MGMT: variants seen among roughly 807,000 people sequenced by gnomAD.
MGMT encodes the protein methylated-DNA--protein-cysteine methyltransferase.
A neutral mutation model predicts 15.9 loss-of-function variants in MGMT; 14 were observed. The observed-to-expected ratio is 0.88, with a 90% CI of 0.58 to 1.37. The LOEUF (loss-of-function observed/expected upper bound fraction) is 1.37, where lower values mean the gene tolerates loss of function less well. MGMT is among the 40% of genes most tolerant of loss of function. The probability of loss-of-function intolerance (pLI) is 0.00; values close to 1 mark genes in which losing one functional copy is unlikely to be tolerated. For missense variants in MGMT, 282 were observed against 268.1 expected (o/e 1.05, Z -0.36); for synonymous variants, 130 against 118.2 (o/e 1.10, Z -0.65).
chr10:129,594,114 G>T (rs1342544360), intron 2 of MGMT, among the ~76,000 whole-genome samples: 2 of 152,218 alleles, frequency 1.3e-5, no homozygotes, highest in Non-Finnish European at 2.9e-5. Context: ...GGGCAGCCCT[G>T]TGTTGGTGCC....
At chr10:129,609,540 C>G (rs1468490619) in intron 2 of MGMT, among the ~76,000 whole-genome samples, 1 of 152,224 alleles carries the variant, frequency 6.6e-6, no homozygotes, top group Non-Finnish European at 1.5e-5. Flanking sequence ...GAGGAACTCA[C>G]AGCAGCGCTG....
chr10:129,588,125 G>A lies in MGMT; in HGVS notation c.125+51748G>A, dbSNP rs576116355. On this transcript the variant is annotated intron_variant, in intron 2 of 4. Coordinates refer to ENST00000651593, the MANE Select transcript of MGMT (RefSeq NM_002412.5). ...GATTGTAAGAGGAGAGATCATGGCC[G>A]GGGACTCATGGCTAGACAAAAAACA... 5.3e-5 allele frequency among the ~76,000 whole-genome samples: 8 copies of A among 152,234 alleles called. No homozygotes were observed. In the East Asian group the frequency reaches 7.7e-4, roughly 15 times the overall value.
At chr10:129,655,213 A>G (rs1033067837) in intron 2 of MGMT, among the ~76,000 whole-genome samples, 1 of 152,206 alleles carries the variant, frequency 6.6e-6, no homozygotes, top group African/African-American at 2.4e-5. Flanking sequence ...GCCTGGGCAG[A>G]TGCAGGGCTG....
At chr10:129,578,062 G>C (rs928189692) in intron 2 of MGMT, among the ~76,000 whole-genome samples, 40 of 152,148 alleles carry the variant, frequency 2.6e-4, no homozygotes, top group Non-Finnish European at 4.0e-4. Context: ...TGGAGAAATA[G>C]GAACACTTTA....
intron 2 of MGMT, among the ~76,000 whole-genome samples, chr10:129,605,028 T>C (rs1221616616): frequency 1.3e-5 from 2 of 152,172 alleles, no homozygotes; most frequent in African/African-American, 4.8e-5. Context: ...TTTTAATGTT[T>C]TACCAAATTA....
At chr10:129,632,629 C>A (rs1847222994) in intron 2 of MGMT, among the ~76,000 whole-genome samples, 1 of 152,150 alleles carries the variant, frequency 6.6e-6, no homozygotes, top group African/African-American at 2.4e-5. Context: ...TAGAGCAGAC[C>A]CTGCCTGCTG....
At chr10:129,476,895 A>T (rs1024629788) in intron 1 of MGMT, among the ~76,000 whole-genome samples, 2 of 152,192 alleles carry the variant, frequency 1.3e-5, no homozygotes, top group African/African-American at 4.8e-5. Context: ...GGAGTAGCTT[A>T]GTGAAGACCA....
chr10:129,522,091 A>ATTCCTTGCTCTGG (rs1845817623), intron 1 of MGMT, among the ~76,000 whole-genome samples: 2 of 148,350 alleles, frequency 1.3e-5, no homozygotes, highest in African/African-American at 5.1e-5. Flanking sequence ...GTAATGGAGA[A>ATTCCTTGCTCTGG]GAATTGGGTA....
At chr10:129,487,790 T>C (rs1845423770) in intron 1 of MGMT, among the ~76,000 whole-genome samples, 1 of 151,976 alleles carries the variant, frequency 6.6e-6, no homozygotes, top group African/African-American at 2.4e-5. Flanking sequence ...CTGCTAACCA[T>C]GTAGGTGTAT....
intron 2 of MGMT, among the ~76,000 whole-genome samples, chr10:129,698,331 C>T (rs1848056119): frequency 6.6e-6 from 1 of 152,176 alleles, no homozygotes; most frequent in Admixed American, 6.5e-5. Context: ...GTGTTGATCT[C>T]TGTGTATAGA....
chr10:129,668,145 T>A (rs1564754117), intron 2 of MGMT, among the ~76,000 whole-genome samples: 1 of 152,174 alleles, frequency 6.6e-6, no homozygotes, highest in Non-Finnish European at 1.5e-5. Flanking sequence ...AAGTCTTTTC[T>A]CTCCCATAAG....
intron 1 of MGMT, among the ~76,000 whole-genome samples, chr10:129,492,502 G>C (rs1845479126): frequency 6.6e-6 from 1 of 152,174 alleles, no homozygotes; most frequent in Non-Finnish European, 1.5e-5. Context: ...ACTTGACCCA[G>C]CTCTCTAGGC....
chr10:129,633,964 A>G (rs1847238679), intron 2 of MGMT, among the ~76,000 whole-genome samples: 1 of 152,150 alleles, frequency 6.6e-6, no homozygotes, highest in Non-Finnish European at 1.5e-5. Context: ...TTCTGTTTAG[A>G]TCCATTTCCA....
At chr10:129,496,229 G>A (rs886358222) in intron 1 of MGMT, among the ~76,000 whole-genome samples, 14 of 152,040 alleles carry the variant, frequency 9.2e-5, no homozygotes, top group African/African-American at 2.4e-4. Context: ...TCATCGTCAC[G>A]CTTAAGTCTT....
intron 2 of MGMT, among the ~76,000 whole-genome samples, chr10:129,624,715 T>G (rs1382309637): frequency 1.3e-5 from 2 of 152,144 alleles, no homozygotes; most frequent in African/African-American, 4.8e-5. Context: ...CGGCGAGGAC[T>G]TCGGAAGTCA....
At chr10:129,557,673 G>A (rs1846229671) in intron 2 of MGMT, among the ~76,000 whole-genome samples, 1 of 152,014 alleles carries the variant, frequency 6.6e-6, no homozygotes, top group Admixed American at 6.5e-5. Flanking sequence ...GTTGGTTGTG[G>A]GTTTTTAGCT....
At chr10:129,469,475 C>A (rs1198455363) in intron 1 of MGMT, among the ~76,000 whole-genome samples, 1 of 152,100 alleles carries the variant, frequency 6.6e-6, no homozygotes, top group Non-Finnish European at 1.5e-5. Flanking sequence ...CATTCTGACC[C>A]CCTTCCCCAG....
intron 4 of MGMT, among the ~76,000 whole-genome samples, chr10:129,765,847 T>C (rs1010301983): frequency 6.6e-6 from 1 of 152,110 alleles, no homozygotes; most frequent in African/African-American, 2.4e-5. Context: ...AGCACCTACA[T>C]GGAAACCAGA....
chr10:129,637,712 C>T (rs968115825), intron 2 of MGMT, among the ~76,000 whole-genome samples: 2 of 152,132 alleles, frequency 1.3e-5, no homozygotes, highest in African/African-American at 4.8e-5. Flanking sequence ...CTAATTCAGC[C>T]TGACTAGTGT....
Sources: allele counts gnomAD v4.1 joint callset (sites outside exome capture counted in the v4.1 genomes callset), GRCh38; gene constraint gnomAD v4.1.1; transcripts MANE v1.5; gene names NCBI Gene and HGNC (gene_info 2026-07-23, HGNC 2026-07-21).